Variants in XDH observed in about 807,000 individuals in gnomAD.
The protein encoded by XDH is xanthine dehydrogenase/oxidase.
In XDH, 138 loss-of-function variants were observed where a neutral mutation model predicts 156.1. The observed-to-expected ratio is 0.88, with a 90% CI of 0.77 to 1.02. The LOEUF (loss-of-function observed/expected upper bound fraction) is 1.02. Among genes scored for constraint, XDH ranks in the 50% least tolerant of loss-of-function variants. XDH has a pLI of 0.00. For missense variants in XDH, 1,849 were observed against 1,684.9 expected (o/e 1.10, Z -1.71); for synonymous variants, 669 against 625.7 (o/e 1.07, Z -1.03).
chr2:31,352,394 ACT>A (rs982621708), intron 24 of XDH, among the ~76,000 whole-genome samples: 1 of 151,082 alleles, frequency 6.6e-6, no homozygotes, highest in Non-Finnish European at 1.5e-5. Flanking sequence ...CCCTATGGGT[ACT>A]CTCTCTCTCC....
chr2:31,352,527 C>A (rs1348668921), intron 24 of XDH, among the ~76,000 whole-genome samples: 2 of 152,078 alleles, frequency 1.3e-5, no homozygotes, highest in Non-Finnish European at 2.9e-5. Context: ...ATTTCTGTTT[C>A]TTTTATCATC....
chr2:31,379,380 A>C (rs944768391), intron 13 of XDH, among the ~76,000 whole-genome samples: 1 of 152,148 alleles, frequency 6.6e-6, no homozygotes, highest in Non-Finnish European at 1.5e-5. Flanking sequence ...GCAGCACATG[A>C]ACCCCACATT....
At chr2:31,391,939 G>A (rs185187597) in intron 6 of XDH, among the ~76,000 whole-genome samples, 17 of 152,226 alleles carry the variant, frequency 1.1e-4, no homozygotes, top group South Asian at 2.1e-4. Flanking sequence ...ATCTGGGCCT[G>A]GTGCTTTCTG....
intron 34 of XDH, among the ~76,000 whole-genome samples, chr2:31,338,714 C>CTTTTTTTTT (rs57389753): frequency 3.2e-5 from 2 of 62,150 alleles, no homozygotes; most frequent in African/African-American, 1.4e-4. Context: ...CTGACCAAGT[C>CTTTTTTTTT]TTTTTTTTTT....
intron 28 of XDH, 99 bp downstream of exon 28, chr2:31,348,169 G>T: frequency 8.0e-7 from 1 of 1,242,468 alleles, no homozygotes; most frequent in Non-Finnish European, 1.2e-6. Context: ...GCCAGGGCCA[G>T]ACCCCGGGCC....
In XDH at chr2:31,364,231, T is replaced by A; in HGVS notation, c.2558A>T (p.Lys853Met). The change falls in exon 24 of 36, where the codon AAG becomes ATG. Residue 853 changes from lysine (K) to methionine (M), a missense_variant. By Grantham distance (95) the Lys-to-Met change is moderately conservative (BLOSUM62 -1). Transcript: ENST00000379416. The part of the protein sequence containing the change: ...FLARYKVGFM[K>M]TGTVVALEVD... ...CTCAAGAGCCACAACTGTCCCAGTC[T>A]TCATGAAGCCAACCTGATAAAAGGA... The A allele has an allele frequency of 5.0e-6, 8 of 1,614,164 alleles. No homozygotes were observed. Among genetic ancestry groups the A allele is most frequent in the Non-Finnish European group, 6.8e-6 (8 of 1,180,030 alleles).
intron 34 of XDH, 64 bp from the exon 35 acceptor site, chr2:31,337,881 T>C (rs1256379126): frequency 1.3e-6 from 2 of 1,574,944 alleles, no homozygotes; most frequent in South Asian, 1.2e-5. Flanking sequence ...CATCATCAAG[T>C]GGACCTAGGA....
At chr2:31,396,527 C>T (rs958833459) in intron 6 of XDH, among the ~76,000 whole-genome samples, 2 of 152,112 alleles carry the variant, frequency 1.3e-5, no homozygotes, top group Non-Finnish European at 2.9e-5. Context: ...TCAAGAAGTA[C>T]TTAATTTTTA....
At chr2:31,374,216 C>T (rs906349976) in intron 15 of XDH, among the ~76,000 whole-genome samples, 3 of 152,194 alleles carry the variant, frequency 2.0e-5, no homozygotes, top group South Asian at 2.1e-4. Context: ...ACACCCCAAA[C>T]TCTTTCCCTC....
intron 6 of XDH, among the ~76,000 whole-genome samples, chr2:31,391,093 G>T (rs965349298): frequency 1.3e-5 from 2 of 152,070 alleles, no homozygotes; most frequent in Admixed American, 1.3e-4. Flanking sequence ...CATCTTCTAG[G>T]AGTTTTATTG....
intron 6 of XDH, among the ~76,000 whole-genome samples, chr2:31,389,420 G>A (rs1285514139): frequency 6.6e-6 from 1 of 152,076 alleles, no homozygotes; most frequent in Non-Finnish European, 1.5e-5. Context: ...GACCTGCTCC[G>A]TCCATTCTGA....
At chr2:31,379,838 A>C in intron 13 of XDH, 29 bp downstream of exon 13, 1 of 1,607,388 alleles carries the variant, frequency 6.2e-7, no homozygotes, top group Non-Finnish European at 8.5e-7. Flanking sequence ...TTATTTGAGC[A>C]GAGCCTGGAA....
chr2:31,355,194 A>G (rs1471132736), intron 24 of XDH, among the ~76,000 whole-genome samples: 1 of 152,180 alleles, frequency 6.6e-6, no homozygotes, highest in African/African-American at 2.4e-5. Context: ...GTGATCCTTC[A>G]GGAACAAGGA....
At chr2:31,340,168 G>T (rs556219447) in intron 33 of XDH, among the ~76,000 whole-genome samples, 61 of 152,312 alleles carry the variant, frequency 4.0e-4, no homozygotes, top group African/African-American at 1.4e-3. Flanking sequence ...CCACACATCT[G>T]CTCTCTCAGC....
intron 1 of XDH, among the ~76,000 whole-genome samples, chr2:31,410,246 G>A (rs1345082626): frequency 6.6e-6 from 1 of 152,164 alleles, no homozygotes; most frequent in Non-Finnish European, 1.5e-5. Context: ...TTATTATTTA[G>A]TAAATTTATA....
At chr2:31,376,964 A>G in intron 14 of XDH, 89 bp downstream of exon 14, 1 of 1,504,824 alleles carries the variant, frequency 6.6e-7, no homozygotes, top group Non-Finnish European at 9.2e-7. Context: ...TAGTAATACT[A>G]CTGGTAGTCA....
At chr2:31,336,516 T>C (rs1307530006) in intron 35 of XDH, among the ~76,000 whole-genome samples, 1 of 151,844 alleles carries the variant, frequency 6.6e-6, no homozygotes, top group Admixed American at 6.6e-5. Context: ...TGGGTTTGGG[T>C]GATTGTCAGC....
intron 14 of XDH, 97 bp downstream of exon 14, chr2:31,376,956 G>A (rs967980724): frequency 3.4e-6 from 5 of 1,464,310 alleles, no homozygotes; most frequent in Non-Finnish European, 4.8e-6. Context: ...AGCAGCAATA[G>A]TAATACTACT....
At chr2:31,371,571 C>G (rs993830219) in intron 17 of XDH, among the ~76,000 whole-genome samples, 1 of 152,094 alleles carries the variant, frequency 6.6e-6, no homozygotes, top group African/African-American at 2.4e-5. Context: ...GTGGTTTGAG[C>G]GTAGACAATG....
Sources: allele counts gnomAD v4.1 joint callset (sites outside exome capture counted in the v4.1 genomes callset), GRCh38; gene constraint gnomAD v4.1.1; transcripts MANE v1.5; gene names NCBI Gene and HGNC (gene_info 2026-07-23, HGNC 2026-07-21).